Variants in BARX2 observed in about 807,000 individuals in gnomAD.
The protein encoded by BARX2 is homeobox protein BarH-like 2.
In BARX2, 11 loss-of-function variants were observed where a neutral mutation model predicts 25.5. The ratio of observed to expected loss-of-function variants is 0.43; its 90% CI spans 0.27 to 0.71. The LOEUF (loss-of-function observed/expected upper bound fraction) is 0.71. Among genes scored for constraint, BARX2 ranks in the 30% least tolerant of loss-of-function variants. BARX2 has a pLI of 0.19. For missense variants in BARX2, 360 were observed against 359.9 expected, an observed-to-expected ratio of 1.00 and a Z score of 0.00; for synonymous variants, 137 against 149.5, an observed-to-expected ratio of 0.92 and a Z score of 0.61.
At chr11:129,409,407 A>G (rs1861865134) in intron 1 of BARX2, among the ~76,000 whole-genome samples, 1 of 152,100 alleles carries the variant, frequency 6.6e-6, no homozygotes, top group Non-Finnish European at 1.5e-5. Context: ...TAGGATCTCT[A>G]TCATCCCCCA....
chr11:129,402,242 G>T (rs1018456019), intron 1 of BARX2, among the ~76,000 whole-genome samples: 1 of 151,978 alleles, frequency 6.6e-6, no homozygotes, highest in African/African-American at 2.4e-5. Flanking sequence ...CACAGACCTG[G>T]CTTGAATTCT....
At chr11:129,380,890 C>T (rs1191427281) in intron 1 of BARX2, among the ~76,000 whole-genome samples, 3 of 151,964 alleles carry the variant, frequency 2.0e-5, no homozygotes, top group African/African-American at 7.3e-5. Flanking sequence ...GATTCTCCTG[C>T]CTCAGCCTCC....
intron 1 of BARX2, among the ~76,000 whole-genome samples, chr11:129,416,184 T>C (rs1861941164): frequency 6.6e-6 from 1 of 152,236 alleles, no homozygotes; most frequent in African/African-American, 2.4e-5. Context: ...GATGTGCTTT[T>C]TAAATCTTAG....
chr11:129,387,465 G>C (rs970005973), intron 1 of BARX2, among the ~76,000 whole-genome samples: 3 of 152,230 alleles, frequency 2.0e-5, no homozygotes, highest in Admixed American at 1.3e-4. Context: ...CACTGAAAGA[G>C]AGAGAGAGGA....
chr11:129,436,393 C>G lies in BARX2; in HGVS notation c.188-358C>G, dbSNP rs962248269. 3.9e-6 allele frequency: 1 copy of G among 257,868 alleles called. No homozygotes were observed. The highest frequency in any genetic ancestry group is 2.2e-5 in the African/African-American group (1 of 45,366). 16.0% of individuals were successfully genotyped at this position (257,868 alleles called of 1,614,324 possible). A position where few individuals can be genotyped will look rare whatever the true frequency, so the allele number is the denominator to read the frequency against. On this transcript the variant is annotated intron_variant, in intron 1 of 3. Coordinates refer to ENST00000281437, the MANE Select transcript of BARX2 (RefSeq NM_003658.5). This position sits in a 1 kb window ranked among gnomAD's most constrained non-coding sequence, Gnocchi z 4.5. ...CATATTACAAATCTATTTCGGGTTTCTGAAATATGTGTCTCTAGCTTTTCC... is the reference window on the plus strand; with the variant it reads ...CATATTACAAATCTATTTCGGGTTTGTGAAATATGTGTCTCTAGCTTTTCC...
At chr11:129,438,089 C>T in intron 2 of BARX2, 1 of 151,752 alleles carries the variant, frequency 6.6e-6, no homozygotes, top group Non-Finnish European at 1.5e-5. Flanking sequence ...CTTTGGGAGG[C>T]CGAGGCAGGT....
intron 1 of BARX2, among the ~76,000 whole-genome samples, chr11:129,427,817 G>C (rs1862083130): frequency 6.6e-6 from 1 of 152,200 alleles, no homozygotes; most frequent in Non-Finnish European, 1.5e-5. Flanking sequence ...AGCAACCCTG[G>C]AGTGGGTACA....
intron 1 of BARX2, among the ~76,000 whole-genome samples, chr11:129,401,529 A>T (rs1861775452): frequency 6.6e-6 from 1 of 152,220 alleles, no homozygotes; most frequent in Non-Finnish European, 1.5e-5. Flanking sequence ...GACATAGGAT[A>T]TGTAGACACA....
chr11:129,377,464 G>T (rs1249266642), intron 1 of BARX2, among the ~76,000 whole-genome samples: 1 of 152,158 alleles, frequency 6.6e-6, no homozygotes, highest in Non-Finnish European at 1.5e-5. Flanking sequence ...AAGTTAATTT[G>T]TCTGTAAGGT....
intron 1 of BARX2, among the ~76,000 whole-genome samples, chr11:129,388,700 A>G (rs1201481895): frequency 2.6e-5 from 4 of 152,170 alleles, no homozygotes; most frequent in Non-Finnish European, 5.9e-5. Flanking sequence ...GGATTCTGGG[A>G]ATCTCTATTT....
chr11:129,381,897 G>A (rs10791003), intron 1 of BARX2, among the ~76,000 whole-genome samples: 47,421 of 152,116 alleles, frequency 0.31, 7,884 homozygotes, highest in Middle Eastern at 0.42. Flanking sequence ...CCGAAGGGCT[G>A]TACAGGCAAA....
intron 1 of BARX2, among the ~76,000 whole-genome samples, chr11:129,411,295 C>T (rs549365778): frequency 9.6e-5 from 14 of 146,324 alleles, no homozygotes; most frequent in African/African-American, 2.3e-4. Flanking sequence ...GGCGTGAATC[C>T]GGGAAGCAGA....
In BARX2 at chr11:129,432,706, C is replaced by T. The variant is rs540196220; in HGVS notation, c.188-4045C>T. On this transcript the variant is annotated intron_variant, in intron 1 of 3. Transcript: ENST00000281437. ...AGATTATTCTTTTTGACAAACTGAA[C>T]ATAAAATTAAACTTTAGAATGGGAA... 8.5e-5 allele frequency among the ~76,000 whole-genome samples: 13 copies of T among 152,238 alleles called. No individual in the cohort carries two copies. In the East Asian group the frequency reaches 2.5e-3, roughly 29 times the overall value.
At chr11:129,391,957 A>G (rs761128358) in intron 1 of BARX2, among the ~76,000 whole-genome samples, 8 of 152,188 alleles carry the variant, frequency 5.3e-5, no homozygotes, top group Non-Finnish European at 8.8e-5. Context: ...CCTGCTGCCC[A>G]TCCCTAGAAG....
chr11:129,404,897 A>C (rs1178476121), intron 1 of BARX2, among the ~76,000 whole-genome samples: 1 of 152,142 alleles, frequency 6.6e-6, no homozygotes, highest in Non-Finnish European at 1.5e-5. Flanking sequence ...AATAGGCAGA[A>C]CTCTCCTCTC....
intron 1 of BARX2, among the ~76,000 whole-genome samples, chr11:129,416,188 A>G (rs1180002940): frequency 6.6e-6 from 1 of 152,118 alleles, no homozygotes; most frequent in African/African-American, 2.4e-5. Flanking sequence ...TGCTTTTTAA[A>G]TCTTAGCACT....
chr11:129,405,603 T>C (rs1861821636), intron 1 of BARX2, among the ~76,000 whole-genome samples: 2 of 152,228 alleles, frequency 1.3e-5, no homozygotes, highest in African/African-American at 4.8e-5. Context: ...AGATGATAGA[T>C]AAAATGTGAT....
chr11:129,383,792 G>A (rs1383061109), intron 1 of BARX2, among the ~76,000 whole-genome samples: 3 of 152,178 alleles, frequency 2.0e-5, no homozygotes, highest in Admixed American at 1.3e-4. Context: ...TTTTTACCGC[G>A]TCTTTCCAGC....
At chr11:129,404,439 A>C (rs766257915) in intron 1 of BARX2, among the ~76,000 whole-genome samples, 1 of 152,226 alleles carries the variant, frequency 6.6e-6, no homozygotes, top group Non-Finnish European at 1.5e-5. Flanking sequence ...GAAAGAAAAC[A>C]CAAGGGCATC....
Sources: gnomAD v4.1 joint callset for allele counts (sites outside exome capture counted in the v4.1 genomes callset) on GRCh38, gnomAD v4.1.1 for gene constraint, Gnocchi (gnomAD v3.1) non-coding constraint, MANE v1.5 for transcripts, NCBI Gene and HGNC (gene_info 2026-07-23, HGNC 2026-07-21) for gene names.